The following CSMD3 variants were observed in gnomAD, a reference collection of about 807,000 sequenced individuals.
CSMD3 encodes CUB and Sushi multiple domains 3, also known as CUB and sushi domain-containing protein 3.
A neutral mutation model predicts 435.2 loss-of-function variants in CSMD3; 177 were observed. That is an observed-to-expected ratio of 0.41 (90% CI 0.36 to 0.46). The LOEUF (loss-of-function observed/expected upper bound fraction) is 0.46. Ranked by LOEUF, CSMD3 falls within the 20% of genes least tolerant of loss-of-function variation. The pLI is 0.34. For missense variants in CSMD3, 4,265 were observed against 4,504.6 expected, an observed-to-expected ratio of 0.95 and a Z score of 1.52; for synonymous variants, 1,656 against 1,520.5, an observed-to-expected ratio of 1.09 and a Z score of -2.07.
At position 112,301,805 on chromosome 8, in the gene CSMD3, T is replaced by C; in HGVS notation, c.8428A>G (p.Thr2810Ala). Residue 2810 changes from threonine (T) to alanine (A), a missense_variant, in exon 53 of 71, where the codon ACC becomes GCC. Transcript: ENST00000297405. The part of the protein sequence containing the change: ...LSSGLWSESE[T>A]RCLAGHCGIP... ...TAAAAATCTGTACCTAGGCATCTGGTTTCAGATTCACTCCAAAGACCTGAG... is the reference window on the plus strand; with the variant it reads ...TAAAAATCTGTACCTAGGCATCTGGCTTCAGATTCACTCCAAAGACCTGAG... The C allele has an allele frequency of 6.2e-7, 1 of 1,613,506 alleles. No homozygotes were observed. The highest frequency in any genetic ancestry group is 8.5e-7 in the Non-Finnish European group (1 of 1,179,622).
intron 8 of CSMD3, among the ~76,000 whole-genome samples, chr8:112,952,351 C>T (rs192843281): frequency 1.3e-5 from 2 of 151,692 alleles, no homozygotes; most frequent in Admixed American, 1.3e-4. Context: ...GGGCCGTGCC[C>T]ATCATAGAAT....
chr8:112,586,627 G>T (rs888451465), intron 23 of CSMD3, among the ~76,000 whole-genome samples: 1 of 150,522 alleles, frequency 6.6e-6, no homozygotes, highest in Admixed American at 6.6e-5. Context: ...GATTCTTCAC[G>T]TATTAACAAA....
intron 5 of CSMD3, among the ~76,000 whole-genome samples, chr8:113,047,058 G>A (rs926340271): frequency 1.3e-5 from 2 of 152,212 alleles, no homozygotes; most frequent in African/African-American, 4.8e-5. Context: ...AAAGTGCAGA[G>A]CAAAAGCCTG....
At chr8:113,104,632 C>T (rs1027744685) in intron 4 of CSMD3, among the ~76,000 whole-genome samples, 2 of 151,982 alleles carry the variant, frequency 1.3e-5, no homozygotes, top group Non-Finnish European at 2.9e-5. Context: ...CACGGTACAA[C>T]AAATAATACC....
chr8:112,694,980 C>T (rs543709008), intron 13 of CSMD3, among the ~76,000 whole-genome samples: 6 of 152,086 alleles, frequency 3.9e-5, no homozygotes, highest in African/African-American at 4.8e-5. Flanking sequence ...GAGTGTGAGC[C>T]GAAGCAGGGG....
At chr8:112,868,714 T>C (rs1042070382) in intron 10 of CSMD3, among the ~76,000 whole-genome samples, 1 of 152,136 alleles carries the variant, frequency 6.6e-6, no homozygotes, top group Non-Finnish European at 1.5e-5. Context: ...CCCATAAATA[T>C]ATAGTCAACT....
chr8:112,371,830 G>A (rs191035728), intron 38 of CSMD3, among the ~76,000 whole-genome samples: 26 of 152,078 alleles, frequency 1.7e-4, no homozygotes, highest in Non-Finnish European at 1.0e-4. Flanking sequence ...GGTGGTTGCA[G>A]TGAGCTGAGA....
At chr8:112,318,097 C>G (rs927497149) in intron 47 of CSMD3, among the ~76,000 whole-genome samples, 1 of 151,980 alleles carries the variant, frequency 6.6e-6, no homozygotes, top group Non-Finnish European at 1.5e-5. Context: ...ATAGCGAATC[C>G]TTGAAGTCCA....
intron 5 of CSMD3, among the ~76,000 whole-genome samples, chr8:113,090,334 T>C (rs541867048): frequency 3.9e-5 from 6 of 152,222 alleles, no homozygotes; most frequent in Admixed American, 3.3e-4. Context: ...TTAAAAGTAT[T>C]CAGAAAATTG....
At chr8:112,455,946 A>G (rs2130637963) in intron 32 of CSMD3, among the ~76,000 whole-genome samples, 1 of 152,256 alleles carries the variant, frequency 6.6e-6, no homozygotes, top group East Asian at 1.9e-4. Flanking sequence ...TCAGCTGATT[A>G]AAAAATTAAC....
chr8:112,460,664 A>C (rs533952792), intron 32 of CSMD3, among the ~76,000 whole-genome samples: 3 of 152,282 alleles, frequency 2.0e-5, no homozygotes, highest in South Asian at 4.1e-4. Flanking sequence ...CAATAAAATA[A>C]ATATTATAGA....
intron 22 of CSMD3, among the ~76,000 whole-genome samples, chr8:112,590,701 G>A (rs188913875): frequency 2.3e-3 from 352 of 151,988 alleles, no homozygotes; most frequent in African/African-American, 8.1e-3. Context: ...GAGGAAAAGA[G>A]GAGACTGAAT....
intron 4 of CSMD3, among the ~76,000 whole-genome samples, chr8:113,139,271 T>C (rs907739514): frequency 6.7e-6 from 1 of 150,208 alleles, no homozygotes; most frequent in Non-Finnish European, 1.5e-5. Flanking sequence ...TAAGCAAAAA[T>C]ATTAATAAAT....
chr8:113,349,926 G>A (rs181928576), intron 1 of CSMD3, among the ~76,000 whole-genome samples: 2 of 152,034 alleles, frequency 1.3e-5, no homozygotes, highest in African/African-American at 2.4e-5. Flanking sequence ...CCAATAGAAT[G>A]CAACAGAAGC....
intron 10 of CSMD3, among the ~76,000 whole-genome samples, chr8:112,897,204 C>T (rs545804555): frequency 2.0e-5 from 3 of 151,392 alleles, no homozygotes; most frequent in South Asian, 2.1e-4. Flanking sequence ...ACTGCACTTA[C>T]GTATGCATGC....
chr8:113,153,082 A>AAG (rs1436975346), intron 4 of CSMD3, among the ~76,000 whole-genome samples: 1 of 84,656 alleles, frequency 1.2e-5, no homozygotes, highest in African/African-American at 6.4e-5. Context: ...AAGAAAAAGA[A>AAG]AGAAAGAAAG....
rs1829522560 is a variant in CSMD3, at chr8:112,571,631, G to A, written c.4042+1870C>T. Among the ~76,000 whole-genome samples the A allele has an allele frequency of 4.6e-5, 7 of 151,858 alleles. No homozygotes were observed. In the South Asian group the frequency reaches 1.4e-3, roughly 31 times the overall value. ...TGCCTGTAATCCCAGCACTTTGCGA[G>A]GCCTAGGTGGGAGGATCGCCTGAGG... On this transcript the variant is annotated intron_variant, in intron 24 of 70. Coordinates refer to ENST00000297405, the MANE Select transcript of CSMD3 (RefSeq NM_198123.2).
chr8:113,046,490 A>G (rs1209150489), intron 5 of CSMD3, among the ~76,000 whole-genome samples: 1 of 127,594 alleles, frequency 7.8e-6, no homozygotes, highest in African/African-American at 2.5e-5. Context: ...AGAGGAACGC[A>G]AAACTCCCTC....
rs577457096 is a variant in CSMD3, at chr8:113,269,834, A to C, written c.514+8758T>G. 6.0e-4 allele frequency among the ~76,000 whole-genome samples: 91 copies of C among 152,152 alleles called. 2 individuals carry two copies. In the South Asian group the frequency reaches 0.017, roughly 28 times the overall value. The stretch of plus-strand genomic sequence containing the variant: ...AATTCAATATGGATTAAAGACTTAA[A>C]TGTTAGACCTAAAACCATAAAAACC... On this transcript the variant is annotated intron_variant, in intron 3 of 70. Transcript: ENST00000297405.
Sources: allele counts gnomAD v4.1 joint callset (sites outside exome capture counted in the v4.1 genomes callset), GRCh38; gene constraint gnomAD v4.1.1; transcripts MANE v1.5; gene names NCBI Gene and HGNC (gene_info 2026-07-23, HGNC 2026-07-21).